CCDC73: variants seen among roughly 807,000 people sequenced by gnomAD.
CCDC73 encodes coiled-coil domain containing 73.
CCDC73 carries 95 observed loss-of-function variants against 116.5 expected under a neutral mutation model. The observed-to-expected ratio is 0.82, with a 90% CI of 0.69 to 0.97. CCDC73 has a LOEUF of 0.97. Ranked by LOEUF, CCDC73 falls within the 50% of genes least tolerant of loss-of-function variation. The probability of loss-of-function intolerance (pLI) is 0.00; values close to 1 mark genes in which losing one functional copy is unlikely to be tolerated. For synonymous variants in CCDC73, 398 were observed against 401.3 expected, an observed-to-expected ratio of 0.99 and a Z score of 0.10; for missense variants, 1,066 against 1,206.8, an observed-to-expected ratio of 0.88 and a Z score of 1.73.
intron 12 of CCDC73, among the ~76,000 whole-genome samples, chr11:32,643,179 T>C (rs1353233054): frequency 6.6e-6 from 1 of 152,040 alleles, no homozygotes; most frequent in Non-Finnish European, 1.5e-5. Flanking sequence ...TATGCAAAGA[T>C]AAATTATGTA....
In CCDC73 at chr11:32,611,211, G is replaced by A. The variant is rs770527257; in HGVS notation, c.2951C>T (p.Pro984Leu). Residue 984 changes from proline (P) to leucine (L), a missense_variant, in exon 17 of 18, where the codon CCA becomes CTA. Coordinates refer to ENST00000335185, the MANE Select transcript of CCDC73 (RefSeq NM_001008391.4). ...TTCACTGGGTTCTCCCTTGGGATCT[G>A]GATGGATACTCCAGTTATTCAAAGT... ...ADTLNNWSIHPDPKGEPSEEK... is the reference protein window; with the variant it reads ...ADTLNNWSIHLDPKGEPSEEK... 5 of 1,613,224 alleles carry A rather than the reference G, an allele frequency of 3.1e-6. No homozygotes were observed. The highest frequency in any genetic ancestry group is 4.2e-6 in the Non-Finnish European group (5 of 1,179,226).
At chr11:32,604,193 G>A (rs1320332234) in intron 17 of CCDC73, 1 of 152,332 alleles carries the variant, frequency 6.6e-6, no homozygotes, top group Non-Finnish European at 1.5e-5. Context: ...CACAATCACA[G>A]CTCATTGCAG....
intron 6 of CCDC73, 25 bp downstream of exon 6, chr11:32,699,226 T>C: frequency 6.4e-7 from 1 of 1,557,410 alleles, no homozygotes. Flanking sequence ...AAACTACTTT[T>C]TAAACAATAC....
At chr11:32,694,823 TA>T (rs200340897) in intron 6 of CCDC73, among the ~76,000 whole-genome samples, 3 of 151,402 alleles carry the variant, frequency 2.0e-5, no homozygotes, top group African/African-American at 4.9e-5. Flanking sequence ...CAAGAGACTG[TA>T]AAAAAAAATT....
At chr11:32,764,954 G>T (rs989085226) in intron 1 of CCDC73, among the ~76,000 whole-genome samples, 17 of 151,922 alleles carry the variant, frequency 1.1e-4, no homozygotes, top group African/African-American at 3.6e-4. Flanking sequence ...AAAAAGCAGG[G>T]GTTGCAATCC....
the CCDC73 span, chr11:32,830,258 A>G: frequency 9.7e-7 from 1 of 1,029,376 alleles, no homozygotes; most frequent in Non-Finnish European, 1.2e-6. Context: ...ATTCGAACAC[A>G]TAGCGAGGGT....
intron 3 of CCDC73, among the ~76,000 whole-genome samples, chr11:32,712,326 G>A (rs1010617238): frequency 6.6e-6 from 1 of 151,994 alleles, no homozygotes; most frequent in Non-Finnish European, 1.5e-5. Context: ...CCAGTTAGAT[G>A]GAAAGAATAA....
At chr11:32,755,849 A>G (rs1275363157) in intron 2 of CCDC73, among the ~76,000 whole-genome samples, 5 of 133,946 alleles carry the variant, frequency 3.7e-5, no homozygotes, top group Admixed American at 1.6e-4. Context: ...CTCCATATAT[A>G]TGTGTGTGTA....
the CCDC73 span, among the ~76,000 whole-genome samples, chr11:32,801,640 C>CAA: frequency 7.7e-6 from 1 of 130,188 alleles, no homozygotes. Flanking sequence ...GACTCCATCT[C>CAA]AAAAAAAAAA....
rs271024 is a variant in CCDC73, at chr11:32,672,942, G to A, written c.645+2623C>T. ...CCAAGGAATATATAACCAATTTATT[G>A]GCAGTTGTAACAGTGAAGATATACA... On this transcript the variant is annotated intron_variant, in intron 9 of 17. Coordinates refer to ENST00000335185, the MANE Select transcript of CCDC73 (RefSeq NM_001008391.4). Among the ~76,000 whole-genome samples, 539 of 152,110 alleles carry A rather than the reference G, an allele frequency of 3.5e-3. 6 individuals are homozygous for A. The highest frequency in any genetic ancestry group is 0.013 in the African/African-American group (520 of 41,484).
At chr11:32,773,235 A>G (rs1850505826) in intron 1 of CCDC73, among the ~76,000 whole-genome samples, 1 of 152,192 alleles carries the variant, frequency 6.6e-6, no homozygotes, top group South Asian at 2.1e-4. Flanking sequence ...TCCACAGGAC[A>G]TAAAGTAGAT....
chr11:32,760,706 A>T (rs1183698204), intron 1 of CCDC73, among the ~76,000 whole-genome samples: 1 of 152,206 alleles, frequency 6.6e-6, no homozygotes, highest in Non-Finnish European at 1.5e-5. Context: ...TTTTATTAAA[A>T]ACCAAGATAG....
Position 32,653,891 on chromosome 11 carries a change from T to C in CCDC73, c.834+87A>G, listed in dbSNP as rs2133262041. 13 of 1,425,058 alleles carry C rather than the reference T, an allele frequency of 9.1e-6. 1 individual carries two copies. In the South Asian group the frequency reaches 1.8e-4, roughly 20 times the overall value. The allele number at this position is 1,425,058 out of a possible 1,614,324, so 88.3% of individuals were successfully genotyped here. ...ATACACATTAACTGAGTGCCTACTATGTGCTATGCATGATTCCACTTATTT... is the reference window on the plus strand; with the variant it reads ...ATACACATTAACTGAGTGCCTACTACGTGCTATGCATGATTCCACTTATTT... On this transcript the variant is annotated intron_variant, in intron 11 of 17. Transcript: ENST00000335185.
intron 9 of CCDC73, among the ~76,000 whole-genome samples, chr11:32,656,495 A>T (rs760920515): frequency 5.3e-5 from 8 of 152,194 alleles, no homozygotes; most frequent in Admixed American, 1.3e-4. Flanking sequence ...TGGATATTGG[A>T]TTAGTTATCA....
intron 3 of CCDC73, among the ~76,000 whole-genome samples, chr11:32,704,534 AC>A (rs1445319690): frequency 6.6e-6 from 1 of 152,200 alleles, no homozygotes; most frequent in Non-Finnish European, 1.5e-5. Flanking sequence ...GCGCGGGCCC[AC>A]AGGTGCCCCT....
chr11:32,687,418 A>G (rs1025766339), intron 6 of CCDC73, among the ~76,000 whole-genome samples: 1 of 152,182 alleles, frequency 6.6e-6, no homozygotes, highest in Admixed American at 6.6e-5. Context: ...ATAAGGAAAG[A>G]GGGGGCAGCA....
chr11:32,618,958 G>A (rs1291821052), intron 14 of CCDC73, among the ~76,000 whole-genome samples: 1 of 152,092 alleles, frequency 6.6e-6, no homozygotes, highest in Non-Finnish European at 1.5e-5. Flanking sequence ...TTTCATGTTT[G>A]TTGGCTGCTC....
intron 9 of CCDC73, among the ~76,000 whole-genome samples, chr11:32,670,830 T>C (rs995581248): frequency 7.2e-5 from 11 of 152,176 alleles, no homozygotes; most frequent in Admixed American, 7.2e-4. Flanking sequence ...ATTATTGCTA[T>C]AAGACAATAG....
At chr11:32,732,901 C>T (rs574369355) in intron 2 of CCDC73, among the ~76,000 whole-genome samples, 12 of 152,228 alleles carry the variant, frequency 7.9e-5, no homozygotes, top group South Asian at 4.1e-4. Flanking sequence ...ATGATAGGAT[C>T]GAATTCACAC....
Sources: gnomAD v4.1 joint callset for allele counts (sites outside exome capture counted in the v4.1 genomes callset) on GRCh38, gnomAD v4.1.1 for gene constraint, MANE v1.5 for transcripts, NCBI Gene and HGNC (gene_info 2026-07-23, HGNC 2026-07-21) for gene names.